Variants in HRH2 observed in about 807,000 individuals in gnomAD.
HRH2 encodes histamine receptor H2.
HRH2 carries 4 observed loss-of-function variants against 20.1 expected under a neutral mutation model. The observed-to-expected ratio is 0.20, with a 90% CI of 0.10 to 0.45. The LOEUF (loss-of-function observed/expected upper bound fraction) is 0.45, where lower values mean the gene tolerates loss of function less well. Among genes scored for constraint, HRH2 ranks in the 20% least tolerant of loss-of-function variants. The pLI is 0.99. For missense variants in HRH2, 250 were observed against 461.6 expected, an observed-to-expected ratio of 0.54 and a Z score of 4.20; for synonymous variants, 197 against 200.7, an observed-to-expected ratio of 0.98 and a Z score of 0.16.
chr5:175,695,832 G>A (rs1756557886), intron 2 of HRH2, among the ~76,000 whole-genome samples: 1 of 152,244 alleles, frequency 6.6e-6, no homozygotes, highest in Non-Finnish European at 1.5e-5. Context: ...GTCTTCGAAG[G>A]GGCTGAGGAG....
At chr5:175,663,683 C>T (rs541786108) in intron 1 of HRH2, among the ~76,000 whole-genome samples, 3 of 152,350 alleles carry the variant, frequency 2.0e-5, no homozygotes, top group African/African-American at 4.8e-5. Context: ...CCCAGCTTGC[C>T]CTTTGCACAG....
Position 175,681,963 on chromosome 5 carries a change from G to A in HRH2, c.-525-746G>A, listed in dbSNP as rs542483929. On this transcript the variant is annotated intron_variant, in intron 1 of 2. Coordinates refer to ENST00000636584, the MANE Select transcript of HRH2 (RefSeq NM_001367711.1). This position sits in a 1 kb window ranked among gnomAD's most constrained non-coding sequence, Gnocchi z 4.3. Reference sequence around the variant, plus strand: ...CCCTCTGCCTGGCTTTGTACAGCCCGTGGCTAAGAATGGTTTTTACATTTT... The same window carrying A: ...CCCTCTGCCTGGCTTTGTACAGCCCATGGCTAAGAATGGTTTTTACATTTT... 1.3e-5 allele frequency among the ~76,000 whole-genome samples: 2 copies of A among 152,300 alleles called. No homozygotes were observed. Among genetic ancestry groups the A allele is most frequent in the Admixed American group, 6.5e-5 (1 of 15,306 alleles).
chr5:175,673,664 G>A (rs529452250), intron 1 of HRH2, among the ~76,000 whole-genome samples: 2 of 151,946 alleles, frequency 1.3e-5, no homozygotes, highest in African/African-American at 2.4e-5. Flanking sequence ...ACTGTAACAC[G>A]GTGCATTGTA....
chr5:175,667,775 A>G (rs1561720428), intron 1 of HRH2, among the ~76,000 whole-genome samples: 1 of 152,162 alleles, frequency 6.6e-6, no homozygotes, highest in Non-Finnish European at 1.5e-5. Context: ...TCTAGTTTTG[A>G]ACATATAGGT....
intron 2 of HRH2, chr5:175,685,263 G>A: frequency 1.6e-6 from 1 of 642,160 alleles, no homozygotes; most frequent in Non-Finnish European, 2.7e-6. Context: ...AAAGACCTGA[G>A]TGGCACCGAG....
At chr5:175,662,209 G>A (rs906558856) in intron 1 of HRH2, among the ~76,000 whole-genome samples, 5 of 152,032 alleles carry the variant, frequency 3.3e-5, no homozygotes, top group African/African-American at 1.2e-4. Flanking sequence ...AATAGATCAG[G>A]AAGGATAAGC....
chr5:175,691,730 A>G (rs1291973584), intron 2 of HRH2, among the ~76,000 whole-genome samples: 2 of 151,602 alleles, frequency 1.3e-5, no homozygotes, highest in African/African-American at 4.9e-5. Context: ...TAAAAATACA[A>G]AAATTAGCTG....
In HRH2 at chr5:175,683,581, G is replaced by C; in HGVS notation, c.348G>C (p.Arg116=). ...ACCTCTTCATGATCAGCCTCGACCG[G>C]TACTGCGCTGTCATGGACCCACTGC... ...ILNLFMISLD[R]YCAVMDPLRY... is the part of the protein sequence containing the mutation. The change falls in exon 2 of 3, where the codon CGG becomes CGC. Residue 116 remains arginine, a synonymous_variant. Coordinates refer to ENST00000636584, the MANE Select transcript of HRH2 (RefSeq NM_001367711.1). 6.2e-7 allele frequency: 1 copy of C among 1,614,164 alleles called. No homozygotes were observed. Among genetic ancestry groups the C allele is most frequent in the Non-Finnish European group, 8.5e-7 (1 of 1,180,036 alleles).
Position 175,681,877 on chromosome 5 carries a change from G to T in HRH2, c.-525-832G>T, listed in dbSNP as rs1755987553. On this transcript the variant is annotated intron_variant, in intron 1 of 2. Transcript: ENST00000636584. This position sits in a 1 kb window ranked among gnomAD's most constrained non-coding sequence, Gnocchi z 4.3. ...TGCCAAGTAAGACCAGTAAGATTTAGAGATGCGTTCGGAGCAGGGGTGGCG... is the reference window on the plus strand; with the variant it reads ...TGCCAAGTAAGACCAGTAAGATTTATAGATGCGTTCGGAGCAGGGGTGGCG... Among the ~76,000 whole-genome samples, 1 of 152,200 alleles carries T rather than the reference G, an allele frequency of 6.6e-6. No homozygotes were observed. The highest frequency in any genetic ancestry group is 2.1e-4 in the South Asian group (1 of 4,828).
intron 2 of HRH2, among the ~76,000 whole-genome samples, chr5:175,692,425 T>C (rs532800112): frequency 6.6e-6 from 1 of 152,360 alleles, no homozygotes; most frequent in East Asian, 1.9e-4. Flanking sequence ...GTGTGCCATT[T>C]CCAGCCCCTG....
intron 2 of HRH2, among the ~76,000 whole-genome samples, chr5:175,706,740 C>T (rs111920873): frequency 0.057 from 8,689 of 152,242 alleles, 758 homozygotes; most frequent in African/African-American, 0.18. Context: ...ATGGCCTGGC[C>T]GGCACATGCC....
In HRH2 at chr5:175,676,272, A is replaced by G. The variant is rs188150346; in HGVS notation, c.-525-6437A>G. 9.2e-5 allele frequency among the ~76,000 whole-genome samples: 14 copies of G among 152,328 alleles called. 1 individual carries two copies. Among genetic ancestry groups the G allele is most frequent in the Admixed American group, 9.1e-4 (14 of 15,308 alleles). On this transcript the variant is annotated intron_variant, in intron 1 of 2. Transcript: ENST00000636584. ...ACCCAAGAAAATGCTTCCTTCCACA[A>G]ATAGGTATGTGTGTGCCGGAGTACA...
intron 2 of HRH2, among the ~76,000 whole-genome samples, chr5:175,701,553 T>C (rs1395817316): frequency 6.6e-6 from 1 of 152,176 alleles, no homozygotes; most frequent in Non-Finnish European, 1.5e-5. Flanking sequence ...TATCTTAACA[T>C]CTTTGCAGAC....
At chr5:175,663,632 G>A (rs897478433) in intron 1 of HRH2, among the ~76,000 whole-genome samples, 2 of 152,296 alleles carry the variant, frequency 1.3e-5, no homozygotes, top group Admixed American at 6.5e-5. Flanking sequence ...AAAAGGGCCA[G>A]CTCGTTCCCC....
chr5:175,680,376 G>A (rs1179329175), intron 1 of HRH2, among the ~76,000 whole-genome samples: 1 of 152,214 alleles, frequency 6.6e-6, no homozygotes, highest in Admixed American at 6.5e-5. Flanking sequence ...TGCATGCAGA[G>A]GCATGAGAAA....
intron 2 of HRH2, among the ~76,000 whole-genome samples, chr5:175,700,010 G>C (rs1204051290): frequency 2.6e-5 from 4 of 152,240 alleles, no homozygotes; most frequent in Non-Finnish European, 5.9e-5. Context: ...CTGTTGTACA[G>C]ATGTGGAGAG....
At chr5:175,665,905 G>GA (rs552986666) in intron 1 of HRH2, among the ~76,000 whole-genome samples, 54 of 147,186 alleles carry the variant, frequency 3.7e-4, no homozygotes, top group East Asian at 9.9e-4. Context: ...ATATTTTTGG[G>GA]AAAAAAAAAA....
Position 175,707,788 on chromosome 5 carries a change from A to G in HRH2, c.1086A>G (p.Ala362=), listed in dbSNP as rs1290234847. Residue 362 remains alanine (A), a synonymous_variant, in exon 3 of 3, where the codon GCA becomes GCG. Coordinates refer to ENST00000636584, the MANE Select transcript of HRH2 (RefSeq NM_001367711.1). ...APQGATDRKP[A]LSCTTCSSNL... is the part of the protein sequence containing the mutation. ...GCTTGTGTCTCCTCAGGAAGCCAGC[A>G]CTGTCCTGCACTACGTGCTCCAGCA... The G allele has an allele frequency of 8.8e-5, 35 of 398,976 alleles. 1 individual carries two copies. The Admixed American group carries it at 1.5e-3, about 18-fold the overall frequency. The allele number at this position is 398,976 out of a possible 1,614,324, so 24.7% of individuals were successfully genotyped here.
intron 1 of HRH2, among the ~76,000 whole-genome samples, chr5:175,671,346 G>A (rs982884166): frequency 1.3e-5 from 2 of 152,230 alleles, no homozygotes; most frequent in Non-Finnish European, 2.9e-5. Flanking sequence ...AGGTGACCCA[G>A]CTGGTTGCAG....
Sources: gnomAD v4.1 joint callset for allele counts (sites outside exome capture counted in the v4.1 genomes callset) on GRCh38, gnomAD v4.1.1 for gene constraint, Gnocchi (gnomAD v3.1) non-coding constraint, MANE v1.5 for transcripts, NCBI Gene and HGNC (gene_info 2026-07-23, HGNC 2026-07-21) for gene names.